RARB: variants seen among roughly 807,000 people sequenced by gnomAD.
RARB encodes HBV-activated protein.
RARB carries 17 observed loss-of-function variants against 51.9 expected under a neutral mutation model. That is an observed-to-expected ratio of 0.33 (90% CI 0.22 to 0.49). RARB has a LOEUF of 0.49. Ranked by LOEUF, RARB falls within the 20% of genes least tolerant of loss-of-function variation. The pLI is 0.99. For synonymous variants in RARB, 215 were observed against 195.4 expected (o/e 1.10, Z -0.84); for missense variants, 369 against 550.8 (o/e 0.67, Z 3.30).
chr3:25,520,773 C>T (rs140226118), intron 3 of RARB, among the ~76,000 whole-genome samples: 1 of 152,296 alleles, frequency 6.6e-6, no homozygotes, highest in East Asian at 1.9e-4. Flanking sequence ...TAGTGAAATG[C>T]TCTAACACTT....
chr3:25,350,581 T>C (rs774865935), intron 5 of RARB, among the ~76,000 whole-genome samples: 1 of 152,216 alleles, frequency 6.6e-6, no homozygotes, highest in Non-Finnish European at 1.5e-5. Context: ...TATTAAGTAG[T>C]TGTTTACTTG....
intron 1 of RARB, among the ~76,000 whole-genome samples, chr3:24,858,317 T>C (rs1355140463): frequency 6.6e-6 from 1 of 152,136 alleles, no homozygotes; most frequent in Non-Finnish European, 1.5e-5. Flanking sequence ...GGGTCAAAGG[T>C]CCATGCTAGT....
At chr3:25,310,484 G>T (rs1262761970) in intron 5 of RARB, among the ~76,000 whole-genome samples, 2 of 152,132 alleles carry the variant, frequency 1.3e-5, no homozygotes, top group Non-Finnish European at 2.9e-5. Flanking sequence ...TAGGGGGTTT[G>T]GACATTTCAT....
At chr3:24,924,066 A>G (rs866929459) in intron 2 of RARB, among the ~76,000 whole-genome samples, 20 of 152,166 alleles carry the variant, frequency 1.3e-4, no homozygotes, top group African/African-American at 2.4e-4. Flanking sequence ...CCAAAAGTCT[A>G]TACTCCAAAA....
At chr3:24,987,213 T>A (rs960395971) in intron 2 of RARB, among the ~76,000 whole-genome samples, 1 of 151,064 alleles carries the variant, frequency 6.6e-6, no homozygotes, top group Non-Finnish European at 1.5e-5. Context: ...TGCTATTTCT[T>A]TGGGCTTCAA....
At chr3:25,422,310 G>A (rs1707883332) in intron 5 of RARB, among the ~76,000 whole-genome samples, 2 of 152,160 alleles carry the variant, frequency 1.3e-5, no homozygotes, top group South Asian at 4.1e-4. Context: ...GTTCTTCTAA[G>A]CACTCTGTCA....
chr3:24,886,751 A>G (rs1703275493), intron 2 of RARB, among the ~76,000 whole-genome samples: 1 of 152,106 alleles, frequency 6.6e-6, no homozygotes, highest in Non-Finnish European at 1.5e-5. Flanking sequence ...ATGAAACTTG[A>G]TACTCCTAGG....
chr3:24,893,722 A>C (rs911360468), intron 2 of RARB, among the ~76,000 whole-genome samples: 2 of 151,302 alleles, frequency 1.3e-5, no homozygotes, highest in African/African-American at 2.4e-5. Context: ...ATGGGGTCTC[A>C]CTATGTTGCC....
intron 3 of RARB, among the ~76,000 whole-genome samples, chr3:25,107,399 A>G (rs1277897205): frequency 6.6e-6 from 1 of 152,216 alleles, no homozygotes; most frequent in Non-Finnish European, 1.5e-5. Flanking sequence ...AAATCTATGT[A>G]ATATGCTCAG....
intron 5 of RARB, among the ~76,000 whole-genome samples, chr3:25,422,546 T>C (rs984818054): frequency 1.4e-4 from 21 of 152,100 alleles, no homozygotes; most frequent in African/African-American, 4.6e-4. Context: ...CAGGGTTTAA[T>C]AGTGGAAGAA....
At chr3:25,333,611 G>A (rs1414470988) in intron 5 of RARB, among the ~76,000 whole-genome samples, 1 of 152,184 alleles carries the variant, frequency 6.6e-6, no homozygotes, top group African/African-American at 2.4e-5. Context: ...CAGGACATAG[G>A]CATGAGCAAG....
At chr3:25,175,789 A>G (rs1289797907) in intron 5 of RARB, among the ~76,000 whole-genome samples, 7 of 152,144 alleles carry the variant, frequency 4.6e-5, no homozygotes. Flanking sequence ...TGGCTTGAAC[A>G]TTTGACCCTC....
intron 5 of RARB, among the ~76,000 whole-genome samples, chr3:25,201,366 T>A (rs1467591371): frequency 6.6e-6 from 1 of 152,224 alleles, no homozygotes; most frequent in African/African-American, 2.4e-5. Flanking sequence ...TACAATCATG[T>A]CATCTGCAAA....
At chr3:25,038,311 T>C (rs757109024) in intron 2 of RARB, among the ~76,000 whole-genome samples, 7 of 152,050 alleles carry the variant, frequency 4.6e-5, no homozygotes, top group Admixed American at 1.3e-4. Context: ...ATGAATGCAA[T>C]GGAAACACTG....
At position 25,016,288 on chromosome 3, in the gene RARB, T is replaced by A. The variant is rs115925945; in HGVS notation, c.-379-43837T>A. Among the ~76,000 whole-genome samples, 410 of 152,300 alleles carry A rather than the reference T, an allele frequency of 2.7e-3. 3 individuals are homozygous for A. Among genetic ancestry groups the A allele is most frequent in the African/African-American group, 9.4e-3 (390 of 41,564 alleles). The stretch of plus-strand genomic sequence containing the variant: ...TGTCCAAGGAAAGCTACTGGGTGAT[T>A]AAGGTTAAAGTTGTGTTTCTCAACT... On this transcript the variant is annotated intron_variant, in intron 2 of 11. Transcript: ENST00000383772.
intron 3 of RARB, among the ~76,000 whole-genome samples, chr3:25,518,638 C>T (rs550625611): frequency 3.4e-4 from 52 of 152,246 alleles, no homozygotes; most frequent in African/African-American, 1.1e-3. Context: ...TTCCTCAAAA[C>T]AAGAGTTGAC....
chr3:25,373,564 A>G (rs1706365927), intron 5 of RARB, among the ~76,000 whole-genome samples: 1 of 152,154 alleles, frequency 6.6e-6, no homozygotes, highest in Non-Finnish European at 1.5e-5. Context: ...TCCTCTAATC[A>G]TTTTTAGCTA....
At chr3:25,469,734 G>A (rs1362191715) in intron 2 of RARB, among the ~76,000 whole-genome samples, 2 of 152,182 alleles carry the variant, frequency 1.3e-5, no homozygotes, top group Non-Finnish European at 2.9e-5. Flanking sequence ...TTTTTCCAAT[G>A]CTGAATCCCA....
intron 5 of RARB, among the ~76,000 whole-genome samples, chr3:25,314,369 C>A (rs1198687372): frequency 6.6e-6 from 1 of 152,100 alleles, no homozygotes; most frequent in Non-Finnish European, 1.5e-5. Context: ...GAAACATTCC[C>A]ATTCATAACG....
Sources: allele counts gnomAD v4.1 joint callset (sites outside exome capture counted in the v4.1 genomes callset), GRCh38; gene constraint gnomAD v4.1.1; transcripts MANE v1.5; gene names NCBI Gene and HGNC (gene_info 2026-07-23, HGNC 2026-07-21).